The following CD2AP variants were observed in gnomAD, a reference collection of about 807,000 sequenced individuals.
CD2AP encodes CD2 associated protein.
CD2AP carries 46 observed loss-of-function variants against 85.1 expected under a neutral mutation model. The ratio of observed to expected loss-of-function variants is 0.54; its 90% confidence interval spans 0.43 to 0.69. The LOEUF is 0.69. Ranked by LOEUF, CD2AP falls within the 30% of genes least tolerant of loss-of-function variation. CD2AP has a pLI of 0.00. For missense variants in CD2AP, 769 were observed against 729.5 expected (o/e 1.05, Z -0.62); for synonymous variants, 255 against 252.9 (o/e 1.01, Z -0.08).
chr6:47,524,080 G>T (rs978213141), intron 2 of CD2AP, among the ~76,000 whole-genome samples: 12 of 152,116 alleles, frequency 7.9e-5, no homozygotes, highest in Non-Finnish European at 1.6e-4. Context: ...AGAAATTCAA[G>T]AAATTCAAGA....
At chr6:47,503,646 G>A (rs1766056364) in intron 2 of CD2AP, among the ~76,000 whole-genome samples, 1 of 152,146 alleles carries the variant, frequency 6.6e-6, no homozygotes. Flanking sequence ...GTATGTGTTT[G>A]TGTATATATG....
At chr6:47,587,946 T>C (rs960342899) in intron 11 of CD2AP, among the ~76,000 whole-genome samples, 5 of 152,154 alleles carry the variant, frequency 3.3e-5, no homozygotes, top group African/African-American at 1.2e-4. Context: ...AATTCTATTA[T>C]TGTAGGCTCA....
intron 3 of CD2AP, among the ~76,000 whole-genome samples, chr6:47,535,372 A>G (rs1386861392): frequency 6.6e-6 from 1 of 152,216 alleles, no homozygotes; most frequent in African/African-American, 2.4e-5. Context: ...TTTTGTTTAC[A>G]TACATTTCCC....
At chr6:47,613,857 G>C (rs1247968227) in intron 17 of CD2AP, among the ~76,000 whole-genome samples, 1 of 152,106 alleles carries the variant, frequency 6.6e-6, no homozygotes, top group Admixed American at 6.6e-5. Flanking sequence ...GCCAACTCCC[G>C]TCTTAGCTAG....
chr6:47,560,117 A>G (rs1318575656), intron 5 of CD2AP, among the ~76,000 whole-genome samples: 1 of 152,104 alleles, frequency 6.6e-6, no homozygotes, highest in Non-Finnish European at 1.5e-5. Flanking sequence ...GAGAAAAATT[A>G]TAAAAATAAA....
intron 5 of CD2AP, among the ~76,000 whole-genome samples, chr6:47,566,531 A>G (rs1465722642): frequency 1.3e-5 from 2 of 152,008 alleles, no homozygotes; most frequent in Non-Finnish European, 2.9e-5. Flanking sequence ...ATACATATGC[A>G]GAACATGCAG....
intron 11 of CD2AP, among the ~76,000 whole-genome samples, chr6:47,588,433 T>A (rs534937805): frequency 5.3e-5 from 8 of 152,256 alleles, no homozygotes; most frequent in African/African-American, 1.9e-4. Flanking sequence ...ATATGAAGGA[T>A]TCTTTAAAAT....
intron 2 of CD2AP, among the ~76,000 whole-genome samples, chr6:47,514,788 A>G (rs1263734004): frequency 6.6e-6 from 1 of 152,206 alleles, no homozygotes; most frequent in Non-Finnish European, 1.5e-5. Flanking sequence ...GCAGTGGCTC[A>G]CACCTGTAAT....
chr6:47,489,173 T>C (rs1417618956), intron 1 of CD2AP: 2 of 24,150 alleles, frequency 8.3e-5, no homozygotes, highest in Non-Finnish European at 2.9e-4. Flanking sequence ...AGTTTTTTTT[T>C]TTTTTTTTTT....
chr6:47,480,028 C>T (rs1024559940), intron 1 of CD2AP, among the ~76,000 whole-genome samples: 2 of 151,926 alleles, frequency 1.3e-5, no homozygotes, highest in African/African-American at 4.8e-5. Context: ...ATTGGAATAC[C>T]TATTTTGATT....
rs1735981664 is a variant in CD2AP at position 47,627,185 on chromosome 6, G to A, written c.*2958G>A. ...ATTTTTTGTTAACTTTAGCATTTGTGTATTTCAGAGTATGATGAAAATTAT... is the reference window on the plus strand; with the variant it reads ...ATTTTTTGTTAACTTTAGCATTTGTATATTTCAGAGTATGATGAAAATTAT... On this transcript the variant is annotated 3_prime_UTR_variant, in exon 18 of 18. Transcript: ENST00000359314. 6.6e-6 allele frequency: 1 copy of A among 152,364 alleles called. No individual in the cohort carries two copies. Among genetic ancestry groups the A allele is most frequent in the South Asian group, 2.1e-4 (1 of 4,824 alleles). The allele number at this position is 152,364 out of a possible 1,614,324, so 9.4% of individuals were successfully genotyped here.
chr6:47,543,148 C>CAAAAAAAAAAAAAAAAAAAAAAAAAA (rs11338409), intron 3 of CD2AP, among the ~76,000 whole-genome samples: 3 of 60,318 alleles, frequency 5.0e-5, no homozygotes, highest in African/African-American at 1.4e-4. Flanking sequence ...AAGACTGTCT[C>CAAAAAAAAAAAAAAAAAAAAAAAAAA]AAAAAAAAAA....
intron 4 of CD2AP, among the ~76,000 whole-genome samples, chr6:47,553,617 TG>T (rs1427484649): frequency 1.3e-5 from 2 of 151,462 alleles, no homozygotes; most frequent in Non-Finnish European, 2.9e-5. Flanking sequence ...CTGCCTGCCT[TG>T]GCCTTCCAAA....
At chr6:47,565,721 A>G (rs1767974381) in intron 5 of CD2AP, among the ~76,000 whole-genome samples, 2 of 152,152 alleles carry the variant, frequency 1.3e-5, no homozygotes, top group African/African-American at 4.8e-5. Flanking sequence ...AGATTTTGTC[A>G]AAAAATGTTT....
chr6:47,600,456 C>G (rs951756022), intron 13 of CD2AP, among the ~76,000 whole-genome samples: 2 of 151,820 alleles, frequency 1.3e-5, no homozygotes, highest in African/African-American at 4.8e-5. Flanking sequence ...TTATTCTTCC[C>G]TCTTTCAGTT....
chr6:47,611,042 C>T (rs1163900929), intron 16 of CD2AP, among the ~76,000 whole-genome samples: 6 of 130,170 alleles, frequency 4.6e-5, no homozygotes, highest in Non-Finnish European at 1.6e-5. Context: ...TCTTGAGTTT[C>T]TCTGGCAAAG....
At chr6:47,504,538 A>G (rs1482284177) in intron 2 of CD2AP, among the ~76,000 whole-genome samples, 1 of 152,206 alleles carries the variant, frequency 6.6e-6, no homozygotes, top group Non-Finnish European at 1.5e-5. Context: ...TATACTTTAA[A>G]TAGTCTCTAG....
intron 1 of CD2AP, among the ~76,000 whole-genome samples, chr6:47,486,795 C>T (rs1049962189): frequency 6.6e-6 from 1 of 152,054 alleles, no homozygotes; most frequent in Non-Finnish European, 1.5e-5. Flanking sequence ...GCATTTATCA[C>T]GATTATTGTA....
chr6:47,493,867 C>T (rs1263890178), intron 1 of CD2AP, among the ~76,000 whole-genome samples: 3 of 152,004 alleles, frequency 2.0e-5, no homozygotes, highest in African/African-American at 4.8e-5. Context: ...TCAGTGTTGT[C>T]GATTATTTGT....
Sources: gnomAD v4.1 joint callset for allele counts (sites outside exome capture counted in the v4.1 genomes callset) on GRCh38, gnomAD v4.1.1 for gene constraint, MANE v1.5 for transcripts, NCBI Gene and HGNC (gene_info 2026-07-23, HGNC 2026-07-21) for gene names.